EXT2: variants seen among roughly 807,000 people sequenced by gnomAD.
EXT2 encodes exostosin-2.
Under a neutral mutation model 81.6 loss-of-function variants are expected in EXT2, and 53 were observed. The observed-to-expected ratio is 0.65, with a 90% CI of 0.52 to 0.82. The LOEUF (loss-of-function observed/expected upper bound fraction) is 0.82, where lower values mean the gene tolerates loss of function less well. Ranked by LOEUF, EXT2 falls within the 40% of genes least tolerant of loss-of-function variation. The pLI is 0.00. For synonymous variants in EXT2, 320 were observed against 340.0 expected (o/e 0.94, Z 0.65); for missense variants, 774 against 910.2 (o/e 0.85, Z 1.93).
chr11:44,189,096 TTA>T (rs1193911030), intron 8 of EXT2, among the ~76,000 whole-genome samples: 1 of 152,162 alleles, frequency 6.6e-6, no homozygotes, highest in Non-Finnish European at 1.5e-5. Context: ...TGACCCTGAG[TTA>T]GTCTCTGGCT....
chr11:44,195,327 G>T (rs1440820317), intron 8 of EXT2, among the ~76,000 whole-genome samples: 1 of 151,968 alleles, frequency 6.6e-6, no homozygotes, highest in Non-Finnish European at 1.5e-5. Flanking sequence ...CCAGCTACTT[G>T]GGAGGCTGAG....
Position 44,171,755 on chromosome 11 carries a change from C to T in EXT2, c.1305+13C>T, listed in dbSNP as rs1345939893. 6.2e-7 allele frequency: 1 copy of T among 1,613,714 alleles called. No individual in the cohort carries two copies. On this transcript the variant is annotated intron_variant, in intron 8 of 13. Transcript: ENST00000533608. ...CCCTCCTGCTGTGGTAAGTGAATTC[C>T]AGTGCTAGCCACATGAGGCATGGTC... is the stretch of plus-strand genomic sequence containing the variant.
At position 44,197,943 on chromosome 11, in the gene EXT2, A is replaced by G. The variant is rs762653279; in HGVS notation, c.1420A>G (p.Thr474Ala). Residue 474 changes from threonine to alanine, a missense_variant, in exon 9 of 14, where the codon ACT becomes GCT. Thr to Ala is a moderately conservative substitution (Grantham distance 58). Transcript: ENST00000533608. ...AGTAGAGAGCCTCTTCCGGGTCATC[A>G]CTGAAGTGTCCAAGGTGCCCAGTCT... ...DRVESLFRVITEVSKVPSLSK... is the reference protein window; with the variant it reads ...DRVESLFRVIAEVSKVPSLSK... 1.2e-6 allele frequency: 2 copies of G among 1,614,068 alleles called. No individual in the cohort carries two copies. The highest frequency in any genetic ancestry group is 4.5e-5 in the East Asian group (2 of 44,880).
At chr11:44,236,821 G>C (rs1363635231) in intron 13 of EXT2, among the ~76,000 whole-genome samples, 1 of 152,126 alleles carries the variant, frequency 6.6e-6, no homozygotes, top group Non-Finnish European at 1.5e-5. Context: ...CCAAGAACAG[G>C]ATCGAAAGCA....
At chr11:44,129,774 T>C (rs1365856845) in intron 6 of EXT2, among the ~76,000 whole-genome samples, 2 of 152,192 alleles carry the variant, frequency 1.3e-5, no homozygotes, top group African/African-American at 4.8e-5. Context: ...ATAATACCAG[T>C]GTGGCTAGAG....
rs551711915 is a variant in EXT2, at chr11:44,200,148, T to C, written c.1495+2130T>C. ...ACGTACAGCATTAGTAACATATATA[T>C]TATAAAAAAAAAAAAAAGCAAGTCC... On this transcript the variant is annotated intron_variant, in intron 9 of 13. Coordinates refer to ENST00000533608, the MANE Select transcript of EXT2 (RefSeq NM_207122.2). Among the ~76,000 whole-genome samples the C allele has an allele frequency of 6.4e-4, 96 of 149,956 alleles. 1 individual carries two copies. The highest frequency in any genetic ancestry group is 2.3e-3 in the African/African-American group (94 of 40,656).
chr11:44,123,842 C>G (rs1051386626), intron 4 of EXT2, among the ~76,000 whole-genome samples: 3 of 151,744 alleles, frequency 2.0e-5, no homozygotes, highest in African/African-American at 7.3e-5. Context: ...AAAATCTTCC[C>G]CTTGACTTCA....
chr11:44,102,923 G>A (rs761138801), intron 1 of EXT2, among the ~76,000 whole-genome samples: 21 of 151,534 alleles, frequency 1.4e-4, no homozygotes, highest in African/African-American at 1.9e-4. Flanking sequence ...TTATTGCTTC[G>A]TACAGTTTAT....
intron 1 of EXT2, among the ~76,000 whole-genome samples, chr11:44,099,264 CA>C (rs1374469704): frequency 6.6e-6 from 1 of 152,202 alleles, no homozygotes; most frequent in Non-Finnish European, 1.5e-5. Context: ...CGGTTCACTG[CA>C]AGCTCCGCCT....
Position 44,234,064 on chromosome 11 carries a change from T to C in EXT2, c.1807-51T>C, listed in dbSNP as rs11037909. The C allele has an allele frequency of 0.29, 467,091 of 1,611,356 alleles. 72,112 individuals are homozygous for C. Among genetic ancestry groups the C allele is most frequent in the Admixed American group, 0.49 (29,653 of 59,906 alleles). The stretch of plus-strand genomic sequence containing the variant: ...GCTATGCTGCCCCTTATTTATCAGC[T>C]AAAGGGAACTGCTATTTTTGAATAT... On this transcript the variant is annotated intron_variant, in intron 11 of 13. Transcript: ENST00000533608.
chr11:44,199,903 G>A (rs1955502244), intron 9 of EXT2, among the ~76,000 whole-genome samples: 1 of 152,054 alleles, frequency 6.6e-6, no homozygotes, highest in Non-Finnish European at 1.5e-5. Context: ...ACTCTAGGGA[G>A]GAAAAAGAGC....
chr11:44,215,413 GT>G (rs1262110551), intron 10 of EXT2, among the ~76,000 whole-genome samples: 3 of 151,974 alleles, frequency 2.0e-5, no homozygotes, highest in African/African-American at 4.8e-5. Flanking sequence ...TAAGTTAATA[GT>G]TTTTTTATGG....
chr11:44,244,294 T>G lies in EXT2; in HGVS notation c.*7T>G, dbSNP rs780700112. On this transcript the variant is annotated 3_prime_UTR_variant, in exon 14 of 14. Coordinates refer to ENST00000533608, the MANE Select transcript of EXT2 (RefSeq NM_207122.2). ...CAACATTGGCAGCTTATGAAACGTGTCATTGGTGGAGGTCTGAATGTGAGG... is the reference window on the plus strand; with the variant it reads ...CAACATTGGCAGCTTATGAAACGTGGCATTGGTGGAGGTCTGAATGTGAGG... The G allele has an allele frequency of 3.2e-5, 52 of 1,613,854 alleles. No homozygotes were observed. Among genetic ancestry groups the G allele is most frequent in the African/African-American group, 4.0e-5 (3 of 74,894 alleles).
chr11:44,195,572 A>G (rs1416783091), intron 8 of EXT2, among the ~76,000 whole-genome samples: 1 of 152,138 alleles, frequency 6.6e-6, no homozygotes, highest in African/African-American at 2.4e-5. Context: ...AGCTTCTTTG[A>G]GTTTCCATCC....
At chr11:44,194,011 G>A (rs1955426030) in intron 8 of EXT2, among the ~76,000 whole-genome samples, 1 of 152,146 alleles carries the variant, frequency 6.6e-6, no homozygotes, top group African/African-American at 2.4e-5. Flanking sequence ...CCATGTCCCT[G>A]GCAGCTCCTT....
At chr11:44,188,471 C>T (rs1293312524) in intron 8 of EXT2, among the ~76,000 whole-genome samples, 3 of 152,080 alleles carry the variant, frequency 2.0e-5, no homozygotes, top group African/African-American at 7.2e-5. Context: ...ATTCATACTA[C>T]AGTTATCATC....
intron 7 of EXT2, among the ~76,000 whole-genome samples, chr11:44,160,888 C>T (rs1954919163): frequency 6.6e-6 from 1 of 152,118 alleles, no homozygotes; most frequent in Non-Finnish European, 1.5e-5. Context: ...TTAGGGTTTC[C>T]TTCTTAGCCA....
In EXT2 at chr11:44,134,543, G is replaced by A. The variant is rs138492506; in HGVS notation, c.1173+4405G>A. Among the ~76,000 whole-genome samples, 5 of 152,248 alleles carry A rather than the reference G, an allele frequency of 3.3e-5. No individual in the cohort carries two copies. In the East Asian group the frequency reaches 9.7e-4, roughly 29 times the overall value. ...TTCCATCAGCCATCTTTCTTATGTT[G>A]GAAGGCAGGCAGAAGTATGCAGCTA... On this transcript the variant is annotated intron_variant, in intron 7 of 13. Coordinates refer to ENST00000533608, the MANE Select transcript of EXT2 (RefSeq NM_207122.2).
Position 44,244,532 on chromosome 11 carries a change from C to G in EXT2, c.*245C>G. ...CTCTGATGGGTTCTTCTCGAAAATG[C>G]CAAGTGGAAGACTTTGTGGCATGCT... On this transcript the variant is annotated 3_prime_UTR_variant, in exon 14 of 14. Transcript: ENST00000533608. 2.0e-6 allele frequency: 1 copy of G among 512,528 alleles called. No individual in the cohort carries two copies. Among genetic ancestry groups the G allele is most frequent in the Non-Finnish European group, 3.6e-6 (1 of 281,480 alleles). The allele number at this position is 512,528 out of a possible 1,614,324, so 31.7% of individuals were successfully genotyped here. A position where few individuals can be genotyped will look rare whatever the true frequency, so the allele number is the denominator to read the frequency against.
Sources: gnomAD v4.1 joint callset for allele counts (sites outside exome capture counted in the v4.1 genomes callset) on GRCh38, gnomAD v4.1.1 for gene constraint, MANE v1.5 for transcripts, NCBI Gene and HGNC (gene_info 2026-07-23, HGNC 2026-07-21) for gene names.